Variants in SUSD1 observed in about 807,000 individuals in gnomAD.
SUSD1 encodes sushi domain-containing protein 1.
In SUSD1, 65 loss-of-function variants were observed where a neutral mutation model predicts 86.9. That is an observed-to-expected ratio of 0.75 (90% CI 0.61 to 0.92). The LOEUF is 0.92. SUSD1 is among the 40% of genes least tolerant of loss of function. The pLI, the probability that SUSD1 is intolerant of heterozygous loss-of-function variation, is 0.00. For synonymous variants in SUSD1, 346 were observed against 350.0 expected (o/e 0.99, Z 0.13); for missense variants, 850 against 929.7 (o/e 0.91, Z 1.11).
intron 5 of SUSD1, among the ~76,000 whole-genome samples, chr9:112,127,100 A>G (rs555264880): frequency 6.6e-6 from 1 of 152,278 alleles, no homozygotes; most frequent in East Asian, 1.9e-4. Flanking sequence ...GGCCGGGCAC[A>G]GAGGCTCACA....
At chr9:112,155,111 C>T (rs889252810) in intron 2 of SUSD1, among the ~76,000 whole-genome samples, 9 of 151,978 alleles carry the variant, frequency 5.9e-5, no homozygotes, top group Non-Finnish European at 2.9e-5. Context: ...ATTAGCCGGG[C>T]GTGGTGGTGC....
chr9:112,151,121 T>C (rs1162378394), intron 2 of SUSD1, among the ~76,000 whole-genome samples: 1 of 152,198 alleles, frequency 6.6e-6, no homozygotes, highest in Non-Finnish European at 1.5e-5. Flanking sequence ...TTCTAGTTTC[T>C]AATTGTAGAG....
At chr9:112,069,118 A>G (rs1390102036) in intron 12 of SUSD1, among the ~76,000 whole-genome samples, 1 of 152,088 alleles carries the variant, frequency 6.6e-6, no homozygotes, top group African/African-American at 2.4e-5. Flanking sequence ...GGGAGCCAGT[A>G]TCAAAGTATG....
intron 5 of SUSD1, among the ~76,000 whole-genome samples, chr9:112,125,558 T>A (rs184433050): frequency 2.5e-3 from 374 of 152,166 alleles, no homozygotes; most frequent in African/African-American, 8.3e-3. Context: ...AAAAATCTGT[T>A]CTTCCATGGT....
rs1360301060 is a variant in SUSD1, at chr9:112,113,696, C to T, written c.887-828G>A. ...CCTGTAATCTCAGCACTTTGGGAGG[C>T]CAAGGTTGGCGGATTACCTGAGCTC... On this transcript the variant is annotated intron_variant, in intron 6 of 16. Coordinates refer to ENST00000374270, the MANE Select transcript of SUSD1 (RefSeq NM_022486.5). The surrounding 1 kb of genome is among the most constrained non-coding windows in gnomAD (Gnocchi z 4.1). Among the ~76,000 whole-genome samples, 1 of 152,156 alleles carries T rather than the reference C, an allele frequency of 6.6e-6. No homozygotes were observed. Among genetic ancestry groups the T allele is most frequent in the African/African-American group, 2.4e-5 (1 of 41,428 alleles).
intron 12 of SUSD1, among the ~76,000 whole-genome samples, chr9:112,075,551 C>T (rs951182516): frequency 6.6e-6 from 1 of 152,012 alleles, no homozygotes; most frequent in African/African-American, 2.4e-5. Context: ...CATAGGGAGA[C>T]CCTCATCTCT....
intron 15 of SUSD1, among the ~76,000 whole-genome samples, chr9:112,046,751 A>C (rs1359871500): frequency 6.6e-6 from 1 of 152,198 alleles, no homozygotes; most frequent in African/African-American, 2.4e-5. Flanking sequence ...TACTGTGTTA[A>C]ATTTCTCTTT....
chr9:112,061,494 T>C (rs1196264611), intron 13 of SUSD1, among the ~76,000 whole-genome samples: 1 of 152,242 alleles, frequency 6.6e-6, no homozygotes, highest in Non-Finnish European at 1.5e-5. Flanking sequence ...GGCCGGCATA[T>C]AGCCACAAGG....
At chr9:112,143,322 T>C (rs1030122310) in intron 4 of SUSD1, 149 bp downstream of exon 4, 1 of 743,502 alleles carries the variant, frequency 1.3e-6, no homozygotes, top group Admixed American at 3.3e-5. Context: ...AACTTGATTG[T>C]TGTTATTTGC....
At position 112,149,257 on chromosome 9, in the gene SUSD1, G is replaced by A; in HGVS notation, c.360C>T (p.Gly120=). 1 of 1,614,180 alleles carries A rather than the reference G, an allele frequency of 6.2e-7. No homozygotes were observed. The highest frequency in any genetic ancestry group is 2.2e-5 in the East Asian group (1 of 44,886). Residue 120 remains glycine, a synonymous_variant, in exon 3 of 17, where the codon GGC becomes GGT. Coordinates refer to ENST00000374270, the MANE Select transcript of SUSD1 (RefSeq NM_022486.5). The part of the protein sequence containing the change: ...NNNKTFIPND[G]TFCTDIDECE... ...CTTCTTGAGTACCTGTACAAAAGGTGCCATCGTTGGGAATGAATGTCTTGT... is the reference window on the plus strand; with the variant it reads ...CTTCTTGAGTACCTGTACAAAAGGTACCATCGTTGGGAATGAATGTCTTGT...
rs75104233 is a variant in SUSD1, at chr9:112,091,301, A to T, written c.1474+7169T>A. On this transcript the variant is annotated intron_variant, in intron 10 of 16. Coordinates refer to ENST00000374270, the MANE Select transcript of SUSD1 (RefSeq NM_022486.5). The stretch of plus-strand genomic sequence containing the variant: ...CATTAAATGATTTATGGTCTTAATT[A>T]TCTTTTGTTTGGACTTTAATTCTGT... 1.4e-3 allele frequency among the ~76,000 whole-genome samples: 211 copies of T among 152,328 alleles called. 1 individual carries two copies. Among genetic ancestry groups the T allele is most frequent in the African/African-American group, 4.8e-3 (200 of 41,582 alleles).
At chr9:112,069,153 G>A (rs1310205453) in intron 12 of SUSD1, among the ~76,000 whole-genome samples, 4 of 63,144 alleles carry the variant, frequency 6.3e-5, no homozygotes, top group Middle Eastern at 0.01. Flanking sequence ...GGCCAAGGGC[G>A]GACCACCGAG....
At chr9:112,054,230 C>A (rs939901120) in intron 14 of SUSD1, among the ~76,000 whole-genome samples, 8 of 152,128 alleles carry the variant, frequency 5.3e-5, no homozygotes, top group Non-Finnish European at 8.8e-5. Flanking sequence ...TAGAAATAAA[C>A]CCTTGCATAT....
intron 14 of SUSD1, among the ~76,000 whole-genome samples, chr9:112,056,710 TTG>T (rs58974133): frequency 0.22 from 31,608 of 146,670 alleles, 4,149 homozygotes; most frequent in African/African-American, 0.39. Context: ...CCAGAATTCT[TTG>T]TGTGTGTGTG....
chr9:112,164,917 C>A (rs1413729303), intron 1 of SUSD1, among the ~76,000 whole-genome samples: 1 of 152,240 alleles, frequency 6.6e-6, no homozygotes, highest in Non-Finnish European at 1.5e-5. Flanking sequence ...GGCACTCCAG[C>A]CTGGGCGACA....
chr9:112,163,353 G>A (rs759393744), intron 1 of SUSD1, among the ~76,000 whole-genome samples: 1 of 151,790 alleles, frequency 6.6e-6, no homozygotes, highest in Non-Finnish European at 1.5e-5. Context: ...CTTTTTTAGA[G>A]ACAGGATCCC....
chr9:112,052,248 AT>A (rs777962998), intron 15 of SUSD1, 150 bp downstream of exon 15: 21 of 1,541,194 alleles, frequency 1.4e-5, no homozygotes, highest in South Asian at 2.4e-5. Context: ...CCCTCCTCCC[AT>A]TTTTTTTCAG....
At chr9:112,137,065 T>A (rs909069805) in intron 5 of SUSD1, among the ~76,000 whole-genome samples, 1 of 152,164 alleles carries the variant, frequency 6.6e-6, no homozygotes, top group Admixed American at 6.5e-5. Flanking sequence ...GCTCATGACA[T>A]ACAGTAAGTC....
intron 5 of SUSD1, among the ~76,000 whole-genome samples, chr9:112,132,357 C>A (rs565099059): frequency 1.3e-5 from 2 of 152,200 alleles, no homozygotes; most frequent in Admixed American, 6.5e-5. Flanking sequence ...TGATATTGAC[C>A]CCAAAATAAA....
Sources: gnomAD v4.1 joint callset for allele counts (sites outside exome capture counted in the v4.1 genomes callset) on GRCh38, gnomAD v4.1.1 for gene constraint, Gnocchi (gnomAD v3.1) non-coding constraint, MANE v1.5 for transcripts, NCBI Gene and HGNC (gene_info 2026-07-23, HGNC 2026-07-21) for gene names.